The following MED14 variants were observed in gnomAD, a reference collection of about 807,000 sequenced individuals.
MED14 encodes the protein mediator complex subunit 14.
Under a neutral mutation model 109.0 loss-of-function variants are expected in MED14, and 8 were observed. That is an observed-to-expected ratio of 0.07 (90% CI 0.04 to 0.13). The LOEUF (loss-of-function observed/expected upper bound fraction) is 0.13. Among genes scored for constraint, MED14 ranks in the 10% least tolerant of loss-of-function variants. MED14 has a pLI of 1.00. For missense variants in MED14, 711 were observed against 1,142.4 expected, an observed-to-expected ratio of 0.62 and a Z score of 5.44; for synonymous variants, 399 against 408.7, an observed-to-expected ratio of 0.98 and a Z score of 0.29.
At chrX:40,679,327 T>C (rs766075011) in intron 21 of MED14, among the ~76,000 whole-genome samples, 48 of 111,054 alleles carry the variant, frequency 4.3e-4, no homozygotes, top group African/African-American at 1.5e-3. Flanking sequence ...GCCAACATAG[T>C]GAAACCCCAT....
At chrX:40,663,276 A>G in intron 25 of MED14, 116 bp from the exon 26 acceptor site, 1 of 586,587 alleles carries the variant, frequency 1.7e-6, no homozygotes, top group East Asian at 3.6e-5. Flanking sequence ...TGTTTTAGTT[A>G]CTCCTTGTGG....
chrX:40,728,732 T>C (rs1189796251), intron 2 of MED14, among the ~76,000 whole-genome samples: 1 of 112,071 alleles, frequency 8.9e-6, no homozygotes, highest in Non-Finnish European at 1.9e-5. Flanking sequence ...AAATGTTAAC[T>C]ATGTAACAGT....
At position 40,651,608 on chromosome X, in the gene MED14, C is replaced by T. The variant is rs1602437199; in HGVS notation, c.*198G>A. On this transcript the variant is annotated 3_prime_UTR_variant, in exon 31 of 31. Coordinates refer to ENST00000324817, the MANE Select transcript of MED14 (RefSeq NM_004229.4). ...CTTTGAAATGTGTCCCATTTAAACA[C>T]ACTATACAAGTTCATTATACAAAAG... 4.0e-6 allele frequency: 4 copies of T among 1,004,395 alleles called. No homozygotes were observed. Among genetic ancestry groups the T allele is most frequent in the Non-Finnish European group, 5.1e-6 (4 of 791,527 alleles). 82.8% of individuals were successfully genotyped at this position (1,004,395 alleles called of 1,213,427 possible).
intron 1 of MED14, among the ~76,000 whole-genome samples, chrX:40,730,066 A>T (rs1932024931): frequency 1.8e-5 from 2 of 111,715 alleles, no homozygotes. Context: ...TCCAAGATTC[A>T]ATGGCCTAAA....
chrX:40,665,361 A>G (rs1602448003), intron 24 of MED14, among the ~76,000 whole-genome samples: 2 of 110,783 alleles, frequency 1.8e-5, no homozygotes, highest in African/African-American at 6.6e-5. Flanking sequence ...CCATCTCTAC[A>G]AAAAAATACA....
In MED14 at chrX:40,719,714, CTG is replaced by C. The variant is rs1477586620; in HGVS notation, c.349-5006_349-5005del. On this transcript the variant is annotated intron_variant, in intron 3 of 30. Coordinates refer to ENST00000324817, the MANE Select transcript of MED14 (RefSeq NM_004229.4). Reference sequence around the variant, plus strand: ...GGTGATTAAAATGTTCTAAAATTGACTGTGATGATGGTTGCACATATCTGTGA... The same window carrying C: ...GGTGATTAAAATGTTCTAAAATTGACTGATGATGGTTGCACATATCTGTGA... Among the ~76,000 whole-genome samples the C allele has an allele frequency of 8.9e-5, 10 of 111,921 alleles. No homozygotes were observed. In the Admixed American group the frequency reaches 9.5e-4, roughly 11 times the overall value.
At position 40,735,300 on chromosome X, in the gene MED14, G is replaced by T; in HGVS notation, c.113C>A (p.Ala38Glu). Residue 38 changes from alanine to glutamate, a missense_variant, in exon 1 of 31, where the codon GCG (alanine) becomes GAG (glutamate). By Grantham distance (107) the Ala-to-Glu change is moderately radical. Around this residue, in one of 8 missense-constraint regions of MED14, gnomAD observed 62 missense variants for 55.2 expected, o/e 1.12. Transcript: ENST00000324817. ...PAPPPPGAAV[A>E]AAAAAAASPG... Reference sequence around the variant, plus strand: ...GCTAGCCGCAGCTGCAGCGGCCGCCGCCACGGCGGCTCCCGGGGGAGGAGG... The same window carrying T: ...GCTAGCCGCAGCTGCAGCGGCCGCCTCCACGGCGGCTCCCGGGGGAGGAGG... The T allele has an allele frequency of 8.9e-7, 1 of 1,129,199 alleles. No individual in the cohort carries two copies. Among genetic ancestry groups the T allele is most frequent in the Non-Finnish European group, 1.2e-6 (1 of 854,821 alleles). 93.1% of individuals were successfully genotyped at this position (1,129,199 alleles called of 1,213,427 possible). A position where few individuals can be genotyped will look rare whatever the true frequency, so the allele number is the denominator to read the frequency against.
chrX:40,693,984 G>C (rs984294309), intron 13 of MED14, among the ~76,000 whole-genome samples: 1 of 110,854 alleles, frequency 9.0e-6, no homozygotes, highest in African/African-American at 3.3e-5. Context: ...TGCAACCTCC[G>C]CCTCCCAGGT....
intron 1 of MED14, among the ~76,000 whole-genome samples, chrX:40,730,963 C>T (rs12389511): frequency 0.02 from 2,107 of 107,992 alleles, 52 homozygotes; most frequent in African/African-American, 0.068. Context: ...CCAGCCTGGG[C>T]ACACATGGCA....
intron 20 of MED14, 33 bp from the exon 21 acceptor site, chrX:40,680,166 TTTCTG>T: frequency 8.4e-7 from 1 of 1,186,688 alleles, no homozygotes; most frequent in Non-Finnish European, 1.1e-6. Context: ...GAGCAGCCAG[TTTCTG>T]TACAAATGTT....
At chrX:40,694,185 C>A (rs1221110644) in intron 13 of MED14, among the ~76,000 whole-genome samples, 2 of 111,428 alleles carry the variant, frequency 1.8e-5, no homozygotes, top group African/African-American at 6.5e-5. Flanking sequence ...AGGCATGAGC[C>A]ACCGCAACTG....
At chrX:40,734,636 T>A in intron 1 of MED14, among the ~76,000 whole-genome samples, 1 of 112,239 alleles carries the variant, frequency 8.9e-6, no homozygotes, top group Non-Finnish European at 1.9e-5. Context: ...GGTAACTAGG[T>A]GATTTATAAA....
chrX:40,664,691 A>G (rs1929413441), intron 24 of MED14, among the ~76,000 whole-genome samples: 1 of 112,207 alleles, frequency 8.9e-6, no homozygotes, highest in Admixed American at 9.5e-5. Flanking sequence ...CAAAAATTAG[A>G]AAAATATAAA....
chrX:40,666,763 A>C lies in MED14; in HGVS notation c.3222T>G (p.His1074Gln). Reference protein sequence around the residue: ...SFVPTPPPSSHGISIGPGASF... With the variant: ...SFVPTPPPSSQGISIGPGASF... ...TGGCCCCTGGTCCTATTGAGATTCC[A>C]TGCGAGGATGGGGGAGGAGTTGGAA... The change falls in exon 24 of 31, where the codon CAT (histidine) becomes CAG (glutamine). Residue 1074 changes from histidine (H) to glutamine (Q), a missense_variant. Transcript: ENST00000324817. The C allele has an allele frequency of 8.3e-7, 1 of 1,206,621 alleles. No individual in the cohort carries two copies. The highest frequency in any genetic ancestry group is 1.1e-6 in the Non-Finnish European group (1 of 892,597).
At chrX:40,702,231 C>G (rs1337064688) in intron 11 of MED14, among the ~76,000 whole-genome samples, 1 of 111,963 alleles carries the variant, frequency 8.9e-6, no homozygotes, top group African/African-American at 3.2e-5. Flanking sequence ...CTAAGACAAG[C>G]ATACATCCCT....
intron 26 of MED14, among the ~76,000 whole-genome samples, chrX:40,662,359 T>C (rs1181441292): frequency 9.0e-6 from 1 of 111,237 alleles, no homozygotes; most frequent in East Asian, 2.8e-4. Flanking sequence ...ACCTCCCAAG[T>C]AGCTAGGACT....
rs935702491 is a variant in MED14 at position 40,651,561 on chromosome X, C to A, written c.*245G>T. 4.4e-6 allele frequency: 4 copies of A among 900,961 alleles called. No individual in the cohort carries two copies. The highest frequency in any genetic ancestry group is 4.1e-6 in the Non-Finnish European group (3 of 726,129). The allele number at this position is 900,961 out of a possible 1,213,427, so 74.2% of individuals were successfully genotyped here. A position where few individuals can be genotyped will look rare whatever the true frequency, so the allele number is the denominator to read the frequency against. ...AACAGAATATTAAATTTATTACTGG[C>A]AAACGGACACTGATTTATTTCCTTT... On this transcript the variant is annotated 3_prime_UTR_variant, in exon 31 of 31. Coordinates refer to ENST00000324817, the MANE Select transcript of MED14 (RefSeq NM_004229.4).
rs1211136377 is a variant in MED14, at chrX:40,651,321, GT to G, written c.*484del. On this transcript the variant is annotated 3_prime_UTR_variant, in exon 31 of 31. Transcript: ENST00000324817. ...ATTAAATATTGCTTCCTTGGGGTGT[GT>G]TTATAACAACTCCCAGAACATTTCA... 2.7e-6 allele frequency: 2 copies of G among 750,586 alleles called. No homozygotes were observed. The highest frequency in any genetic ancestry group is 4.7e-5 in the African/African-American group (2 of 42,973). The allele number at this position is 750,586 out of a possible 1,213,427, so 61.9% of individuals were successfully genotyped here.
chrX:40,702,547 C>T (rs759638059), intron 11 of MED14, among the ~76,000 whole-genome samples: 3 of 110,100 alleles, frequency 2.7e-5, no homozygotes, highest in Non-Finnish European at 5.7e-5. Context: ...AGGGTTTCAC[C>T]GTGTTAGCCA....
Sources: allele counts gnomAD v4.1 joint callset (sites outside exome capture counted in the v4.1 genomes callset), GRCh38; gene constraint gnomAD v4.1.1; regional missense constraint gnomAD v4.1.1; transcripts MANE v1.5; gene names NCBI Gene and HGNC (gene_info 2026-07-23, HGNC 2026-07-21).